Variants in CNOT10 observed in about 807,000 individuals in gnomAD.
CNOT10 encodes the protein CCR4-NOT transcription complex subunit 10.
A neutral mutation model predicts 94.6 loss-of-function variants in CNOT10; 30 were observed. That is an observed-to-expected ratio of 0.32 (90% confidence interval 0.24 to 0.43). CNOT10 has a LOEUF of 0.43. Ranked by LOEUF, CNOT10 falls within the 20% of genes least tolerant of loss-of-function variation. The pLI is 1.00. For synonymous variants in CNOT10, 289 were observed against 301.6 expected (o/e 0.96, Z 0.43); for missense variants, 759 against 877.2 (o/e 0.87, Z 1.70).
Position 32,773,607 on chromosome 3 carries a change from A to C in CNOT10, c.2231A>C (p.Lys744Thr), listed in dbSNP as rs1230578472. 1.2e-6 allele frequency: 2 copies of C among 1,605,770 alleles called. No homozygotes were observed. The highest frequency in any genetic ancestry group is 3.5e-5 in the Admixed American group (2 of 57,722). ...QMPAFTTVQR[K>T] ...CCGGCTTTCACCACTGTGCAGAGAA[A>C]GTGATACTTCACTTTTGGAAAACTG... The change falls in exon 19 of 19, where the codon AAG becomes ACG. Residue 744 changes from lysine (K) to threonine (T), a missense_variant. By Grantham distance (78) the Lys-to-Thr change is moderately conservative. Around this residue, in one of 3 missense-constraint regions of CNOT10, gnomAD observed 73 missense variants for 61.0 expected, o/e 1.20. Transcript: ENST00000328834.
intron 4 of CNOT10, among the ~76,000 whole-genome samples, chr3:32,709,092 A>G (rs1440385785): frequency 1.3e-5 from 2 of 152,224 alleles, no homozygotes; most frequent in Admixed American, 6.5e-5. Flanking sequence ...CTGTTTCAAC[A>G]CTATTTTAGT....
intron 17 of CNOT10, among the ~76,000 whole-genome samples, chr3:32,767,877 G>A (rs1700718827): frequency 6.6e-6 from 1 of 152,190 alleles, no homozygotes; most frequent in Non-Finnish European, 1.5e-5. Flanking sequence ...TAAAGTTACA[G>A]TGTGTACAGT....
Position 32,762,726 on chromosome 3 carries a change from AT to A in CNOT10, c.1710-3del. 5.1e-6 allele frequency: 8 copies of A among 1,581,704 alleles called. No individual in the cohort carries two copies. Among genetic ancestry groups the A allele is most frequent in the Non-Finnish European group, 6.8e-6 (8 of 1,171,134 alleles). On this transcript the variant is annotated splice_region_variant and splice_polypyrimidine_tract_variant and intron_variant, in intron 14 of 18. Transcript: ENST00000328834. The stretch of plus-strand genomic sequence containing the variant: ...TTTTCAGTTTGGAATCTGTTTTTTC[AT>A]TTTAGGTTTTTGGGACATTTATATG...
At chr3:32,714,119 A>G (rs1042640519) in intron 5 of CNOT10, among the ~76,000 whole-genome samples, 1 of 152,124 alleles carries the variant, frequency 6.6e-6, no homozygotes, top group African/African-American at 2.4e-5. Flanking sequence ...GCACTATTTT[A>G]AATTCCCACC....
intron 7 of CNOT10, 26 bp from the exon 8 acceptor site, chr3:32,720,088 A>G: frequency 8.1e-7 from 1 of 1,232,282 alleles, no homozygotes; most frequent in Non-Finnish European, 1.1e-6. Flanking sequence ...AACAAATTAT[A>G]AGTAACTTTT....
intron 13 of CNOT10, among the ~76,000 whole-genome samples, chr3:32,742,869 T>C (rs1413011435): frequency 6.6e-6 from 1 of 152,190 alleles, no homozygotes; most frequent in Non-Finnish European, 1.5e-5. Context: ...TTACAAATAA[T>C]GCTGCAGTGA....
intron 1 of CNOT10, 198 bp from the exon 2 acceptor site, chr3:32,703,670 C>T (rs1697477623): frequency 4.0e-6 from 2 of 505,262 alleles, no homozygotes; most frequent in East Asian, 3.4e-5. Context: ...CGGGACACTG[C>T]AGGATGGCAA....
intron 1 of CNOT10, among the ~76,000 whole-genome samples, chr3:32,686,776 G>T (rs571170476): frequency 6.6e-6 from 1 of 152,176 alleles, no homozygotes; most frequent in African/African-American, 2.4e-5. Context: ...ATTCCTACTT[G>T]CTCATACCAT....
intron 13 of CNOT10, among the ~76,000 whole-genome samples, chr3:32,748,594 C>T (rs1304235912): frequency 6.6e-6 from 1 of 150,936 alleles, no homozygotes; most frequent in African/African-American, 2.4e-5. Flanking sequence ...CTCACTGCAA[C>T]CCCTGCCTTC....
intron 14 of CNOT10, 135 bp downstream of exon 14, chr3:32,759,706 G>A (rs1296164566): frequency 4.3e-5 from 30 of 694,072 alleles, no homozygotes; most frequent in Non-Finnish European, 6.7e-5. Context: ...TTAAAAGAAC[G>A]TTTTTTAACC....
intron 13 of CNOT10, among the ~76,000 whole-genome samples, chr3:32,757,105 CAAAAG>C (rs1700252638): frequency 1.2e-5 from 1 of 82,032 alleles, no homozygotes; most frequent in African/African-American, 5.0e-5. Flanking sequence ...GACTCCGTCT[CAAAAG>C]AAAAAAAAAA....
chr3:32,773,372 C>T, intron 18 of CNOT10, 85 bp from the exon 19 acceptor site: 1 of 1,377,562 alleles, frequency 7.3e-7, no homozygotes, highest in Non-Finnish European at 9.9e-7. Flanking sequence ...TCATCTTTTA[C>T]CTCCCCAGCA....
At chr3:32,763,297 C>T (rs1700528376) in intron 15 of CNOT10, among the ~76,000 whole-genome samples, 1 of 151,952 alleles carries the variant, frequency 6.6e-6, no homozygotes, top group Admixed American at 6.6e-5. Flanking sequence ...CCTGGTGAGA[C>T]CCTGTCTCTA....
At chr3:32,720,992 C>A (rs1332950121) in intron 8 of CNOT10, among the ~76,000 whole-genome samples, 1 of 142,992 alleles carries the variant, frequency 7.0e-6, no homozygotes, top group Non-Finnish European at 1.5e-5. Context: ...TCCTTCTCTT[C>A]CCTTCCTTCT....
At chr3:32,713,903 A>G (rs183818119) in intron 5 of CNOT10, among the ~76,000 whole-genome samples, 62 of 152,318 alleles carry the variant, frequency 4.1e-4, no homozygotes, top group Non-Finnish European at 7.3e-4. Flanking sequence ...ATTTTAAAAA[A>G]TTCTTTATCA....
intron 12 of CNOT10, 101 bp from the exon 13 acceptor site, chr3:32,737,307 CTG>C (rs1230718655): frequency 1.4e-6 from 1 of 706,574 alleles, no homozygotes; most frequent in East Asian, 2.8e-5. Flanking sequence ...GAGCAAAACT[CTG>C]TCTCAAAAAA....
chr3:32,764,229 C>G (rs1277790921), intron 15 of CNOT10: 1 of 487,354 alleles, frequency 2.1e-6, no homozygotes, highest in Non-Finnish European at 3.6e-6. Flanking sequence ...CCCAGCTACT[C>G]AGGAGGCTGA....
At position 32,727,745 on chromosome 3, in the gene CNOT10, C is replaced by G; in HGVS notation, c.1090C>G (p.Gln364Glu). The change falls in exon 10 of 19, where the codon CAG (glutamine) becomes GAG (glutamate). Residue 364 changes from glutamine (Q) to glutamate (E), a missense_variant. By Grantham distance (29) the Gln-to-Glu change is conservative. Transcript: ENST00000328834. ...TGAGTTGCTGTATAACTGTGGAATTCAGCTTCTTCACATTGGAAGGCCTCT... is the reference window on the plus strand; with the variant it reads ...TGAGTTGCTGTATAACTGTGGAATTGAGCTTCTTCACATTGGAAGGCCTCT... ...RYELLYNCGI[Q>E]LLHIGRPLAA... 2 of 1,613,956 alleles carry G rather than the reference C, an allele frequency of 1.2e-6. No homozygotes were observed. The highest frequency in any genetic ancestry group is 1.7e-6 in the Non-Finnish European group (2 of 1,179,940).
intron 4 of CNOT10, among the ~76,000 whole-genome samples, chr3:32,710,421 C>T (rs7428462): frequency 0.029 from 4,410 of 152,080 alleles, 80 homozygotes; most frequent in African/African-American, 0.052. Flanking sequence ...TAGCCTCCCT[C>T]ATTACCACAA....
Sources: allele counts gnomAD v4.1 joint callset (sites outside exome capture counted in the v4.1 genomes callset), GRCh38; gene constraint gnomAD v4.1.1; regional missense constraint gnomAD v4.1.1; transcripts MANE v1.5; gene names NCBI Gene and HGNC (gene_info 2026-07-23, HGNC 2026-07-21).